The following MARK4 variants were observed in gnomAD, a reference collection of about 807,000 sequenced individuals.
MARK4 encodes microtubule affinity regulating kinase 4, also known as MAP/microtubule affinity-regulating kinase 4.
In MARK4, 19 loss-of-function variants were observed where a neutral mutation model predicts 81.5. The observed-to-expected ratio is 0.23, with a 90% confidence interval of 0.16 to 0.34. MARK4 has a LOEUF of 0.34. Among genes scored for constraint, MARK4 ranks in the 10% least tolerant of loss-of-function variants. The probability of loss-of-function intolerance (pLI) is 1.00; values close to 1 mark genes in which losing one functional copy is unlikely to be tolerated. For missense variants in MARK4, 772 were observed against 1,058.8 expected, an observed-to-expected ratio of 0.73 and a Z score of 3.76; for synonymous variants, 436 against 439.0, an observed-to-expected ratio of 0.99 and a Z score of 0.08.
At chr19:45,294,491 AG>A (rs779096952) in intron 14 of MARK4, 39 bp downstream of exon 14, 1 of 1,569,542 alleles carries the variant, frequency 6.4e-7, no homozygotes, top group South Asian at 1.1e-5. Context: ...GGTGGGAAGT[AG>A]GGGGTAGGTG....
chr19:45,286,314 A>C (rs1041221505), intron 12 of MARK4, among the ~76,000 whole-genome samples: 2 of 151,832 alleles, frequency 1.3e-5, no homozygotes, highest in Non-Finnish European at 2.9e-5. Context: ...TTAGCCTCCC[A>C]AAGTGCTGGG....
intron 13 of MARK4, 134 bp from the exon 14 acceptor site, chr19:45,294,215 A>G (rs987684999): frequency 2.6e-5 from 20 of 761,272 alleles, no homozygotes; most frequent in Non-Finnish European, 4.2e-5. Flanking sequence ...ACCTTTCACC[A>G]TCTCCTACTC....
intron 13 of MARK4, among the ~76,000 whole-genome samples, chr19:45,288,854 A>AAG (rs571434480): frequency 0.021 from 3,224 of 150,462 alleles, 65 homozygotes; most frequent in Non-Finnish European, 0.034. Flanking sequence ...TGTCTCAAAA[A>AAG]AAAAAAAAAA....
chr19:45,257,444 C>T (rs1374855252), intron 1 of MARK4, among the ~76,000 whole-genome samples: 5 of 140,544 alleles, frequency 3.6e-5, no homozygotes, highest in African/African-American at 2.6e-5. Flanking sequence ...AGTGCAGTGG[C>T]GCGATCTCAG....
At chr19:45,263,699 A>G (rs965574140) in intron 4 of MARK4, among the ~76,000 whole-genome samples, 4 of 150,894 alleles carry the variant, frequency 2.7e-5, no homozygotes, top group African/African-American at 7.3e-5. Context: ...CTGAGATCGC[A>G]CCACTGCACC....
rs993011462 is a variant in MARK4, at chr19:45,271,854, C to T, written c.786+146C>T. On this transcript the variant is annotated intron_variant, in intron 8 of 16. Coordinates refer to ENST00000262891, the MANE Select transcript of MARK4 (RefSeq NM_001199867.2). This position sits in a 1 kb window ranked among gnomAD's most constrained non-coding sequence, Gnocchi z 4.1. ...ATGGGGGATGGGCAGGATTCAAGTCCCCTCTGCAGTGAGGCCAGCCGAATG... is the reference window on the plus strand; with the variant it reads ...ATGGGGGATGGGCAGGATTCAAGTCTCCTCTGCAGTGAGGCCAGCCGAATG... 2.6e-6 allele frequency: 2 copies of T among 779,772 alleles called. No homozygotes were observed. The highest frequency in any genetic ancestry group is 4.1e-6 in the Non-Finnish European group (2 of 485,310). The allele number at this position is 779,772 out of a possible 1,614,324, so 48.3% of individuals were successfully genotyped here. A position where few individuals can be genotyped will look rare whatever the true frequency, so the allele number is the denominator to read the frequency against.
rs766714382 is a variant in MARK4, at chr19:45,303,776, T to C, written c.*1066T>C. 3 of 152,046 alleles carry C rather than the reference T, an allele frequency of 2.0e-5. No individual in the cohort carries two copies. The highest frequency in any genetic ancestry group is 4.8e-5 in the African/African-American group (2 of 41,376). The allele number at this position is 152,046 out of a possible 1,614,324, so 9.4% of individuals were successfully genotyped here. A position where few individuals can be genotyped will look rare whatever the true frequency, so the allele number is the denominator to read the frequency against. On this transcript the variant is annotated 3_prime_UTR_variant, in exon 17 of 17. Coordinates refer to ENST00000262891, the MANE Select transcript of MARK4 (RefSeq NM_001199867.2). Reference sequence around the variant, plus strand: ...TCTGACACAGACACCGGACAAACCATTGTCTTGGGGAGCCCAGAAGAGAAA... The same window carrying C: ...TCTGACACAGACACCGGACAAACCACTGTCTTGGGGAGCCCAGAAGAGAAA...
At chr19:45,291,578 C>T (rs1006488495) in intron 13 of MARK4, among the ~76,000 whole-genome samples, 21 of 152,048 alleles carry the variant, frequency 1.4e-4, no homozygotes, top group African/African-American at 3.9e-4. Context: ...GTCAGGAGAT[C>T]GAGACCATCC....
intron 7 of MARK4, among the ~76,000 whole-genome samples, chr19:45,269,177 G>A (rs181247641): frequency 2.0e-5 from 3 of 152,100 alleles, no homozygotes; most frequent in Non-Finnish European, 2.9e-5. Flanking sequence ...TCAGGAGTTC[G>A]AGACCAGCCT....
intron 13 of MARK4, among the ~76,000 whole-genome samples, chr19:45,292,705 T>A (rs1970835172): frequency 6.6e-6 from 1 of 151,538 alleles, no homozygotes; most frequent in African/African-American, 2.4e-5. Flanking sequence ...AGACCCTGTC[T>A]CTGCCAAAAA....
At chr19:45,253,160 CCT>C (rs1344018123) in intron 1 of MARK4, among the ~76,000 whole-genome samples, 2 of 151,144 alleles carry the variant, frequency 1.3e-5, no homozygotes, top group South Asian at 2.1e-4. Context: ...TCCCCTTCCC[CCT>C]GTTTCCCTCA....
rs1294195589 is a variant in MARK4 at position 45,303,917 on chromosome 19, G to A, written c.*1207G>A. On this transcript the variant is annotated 3_prime_UTR_variant, in exon 17 of 17. Coordinates refer to ENST00000262891, the MANE Select transcript of MARK4 (RefSeq NM_001199867.2). Reference sequence around the variant, plus strand: ...TGAGTTTGCCCTGGGCAAAAGCCCAGAAGTGGGAGTATGTGGTATATCTTC... The same window carrying A: ...TGAGTTTGCCCTGGGCAAAAGCCCAAAAGTGGGAGTATGTGGTATATCTTC... The A allele has an allele frequency of 2.0e-5, 3 of 152,296 alleles. No individual in the cohort carries two copies. Among genetic ancestry groups the A allele is most frequent in the African/African-American group, 7.2e-5 (3 of 41,458 alleles). 9.4% of individuals were successfully genotyped at this position (152,296 alleles called of 1,614,324 possible). A position where few individuals can be genotyped will look rare whatever the true frequency, so the allele number is the denominator to read the frequency against.
intron 1 of MARK4, among the ~76,000 whole-genome samples, chr19:45,257,775 C>T (rs1278796486): frequency 6.7e-6 from 1 of 149,738 alleles, no homozygotes; most frequent in African/African-American, 2.5e-5. Context: ...CTGCAAGCTC[C>T]ACCTCCTGGG....
chr19:45,253,323 C>G (rs1221753231), intron 1 of MARK4, among the ~76,000 whole-genome samples: 2 of 152,170 alleles, frequency 1.3e-5, no homozygotes, highest in Non-Finnish European at 2.9e-5. Flanking sequence ...TGCCTACCAC[C>G]TCTGTTCCTT....
chr19:45,261,614 C>G (rs1373227157), intron 2 of MARK4, among the ~76,000 whole-genome samples: 5 of 152,148 alleles, frequency 3.3e-5, no homozygotes, highest in African/African-American at 1.2e-4. Flanking sequence ...GACCTGGCCC[C>G]ATCTCTGTTT....
intron 13 of MARK4, among the ~76,000 whole-genome samples, chr19:45,290,588 G>A (rs1023168691): frequency 1.5e-4 from 23 of 152,210 alleles, no homozygotes; most frequent in Non-Finnish European, 2.8e-4. Context: ...CTTGGCCAAC[G>A]GTATCTGGCT....
At chr19:45,291,795 A>G (rs187323901) in intron 13 of MARK4, among the ~76,000 whole-genome samples, 3 of 152,246 alleles carry the variant, frequency 2.0e-5, no homozygotes, top group Admixed American at 2.0e-4. Context: ...ACAAAACAAA[A>G]CAAAAAACCA....
In MARK4 at chr19:45,265,004, G is replaced by A. The variant is rs890059107; in HGVS notation, c.492+94G>A. Reference sequence around the variant, plus strand: ...CATGGTCTGGGCTGTCCAGCGACCTGGGGGCGGGGCTTAAGTCTGGGCAGG... The same window carrying A: ...CATGGTCTGGGCTGTCCAGCGACCTAGGGGCGGGGCTTAAGTCTGGGCAGG... On this transcript the variant is annotated intron_variant, in intron 6 of 16. Coordinates refer to ENST00000262891, the MANE Select transcript of MARK4 (RefSeq NM_001199867.2). 3.9e-6 allele frequency: 5 copies of A among 1,271,638 alleles called. No homozygotes were observed. In the Admixed American group the frequency reaches 5.3e-5, roughly 14 times the overall value. The allele number at this position is 1,271,638 out of a possible 1,614,324, so 78.8% of individuals were successfully genotyped here.
At chr19:45,276,666 C>T (rs930040598) in intron 8 of MARK4, among the ~76,000 whole-genome samples, 3 of 150,174 alleles carry the variant, frequency 2.0e-5, no homozygotes, top group African/African-American at 4.9e-5. Context: ...TGCTCTGCCG[C>T]CCAGGCTGGA....
Sources: gnomAD v4.1 joint callset for allele counts (sites outside exome capture counted in the v4.1 genomes callset) on GRCh38, gnomAD v4.1.1 for gene constraint, Gnocchi (gnomAD v3.1) non-coding constraint, MANE v1.5 for transcripts, NCBI Gene and HGNC (gene_info 2026-07-23, HGNC 2026-07-21) for gene names.